The following ACOT12 variants were observed in gnomAD, a reference collection of about 807,000 sequenced individuals.
The protein encoded by ACOT12 is acetyl-coenzyme A thioesterase.
In ACOT12, 51 loss-of-function variants were observed where a neutral mutation model predicts 67.7. The ratio of observed to expected loss-of-function variants is 0.75; its 90% CI spans 0.60 to 0.95. ACOT12 has a LOEUF of 0.95. ACOT12 is among the 40% of genes least tolerant of loss of function. The pLI, the probability that ACOT12 is intolerant of heterozygous loss-of-function variation, is 0.00. For synonymous variants in ACOT12, 251 were observed against 244.6 expected, an observed-to-expected ratio of 1.03 and a Z score of -0.24; for missense variants, 734 against 708.1, an observed-to-expected ratio of 1.04 and a Z score of -0.41.
At chr5:81,344,096 G>A in intron 9 of ACOT12, 64 bp downstream of exon 9, 1 of 1,504,674 alleles carries the variant, frequency 6.6e-7, no homozygotes, top group Non-Finnish European at 9.1e-7. Context: ...CCAGAGGGGG[G>A]CTCTTATATA....
intron 5 of ACOT12, among the ~76,000 whole-genome samples, chr5:81,352,984 C>T (rs1759599844): frequency 6.6e-6 from 1 of 152,090 alleles, no homozygotes; most frequent in Admixed American, 6.6e-5. Context: ...ATTTTTTACC[C>T]TGTGCATGTA....
At chr5:81,325,003 A>G (rs1327196958), downstream of ACOT12, among the ~76,000 whole-genome samples, 1 of 152,208 alleles carries the variant, frequency 6.6e-6, no homozygotes, top group Non-Finnish European at 1.5e-5. Flanking sequence ...TTATTTTAAG[A>G]GACACCTGTG....
intron 1 of ACOT12, among the ~76,000 whole-genome samples, chr5:81,392,467 GTAAT>G (rs1760891533): frequency 6.6e-6 from 1 of 152,122 alleles, no homozygotes; most frequent in Non-Finnish European, 1.5e-5. Context: ...AAGGTATAGA[GTAAT>G]TGATTGTCAA....
intron 11 of ACOT12, among the ~76,000 whole-genome samples, chr5:81,342,091 A>G (rs1189062694): frequency 2.0e-5 from 3 of 152,268 alleles, no homozygotes; most frequent in Middle Eastern, 3.4e-3. Flanking sequence ...CCTGGGCTCA[A>G]GTGATCCTCC....
rs1758780902 is a variant in ACOT12, at chr5:81,330,488, A to C, written c.1574T>G (p.Leu525Arg). The change falls in exon 15 of 15, where the codon CTT becomes CGT. Residue 525 changes from leucine (L) to arginine (R), a missense_variant. Physicochemically the swap from Leu to Arg is moderately radical, Grantham distance 102. Coordinates refer to ENST00000307624, the MANE Select transcript of ACOT12 (RefSeq NM_130767.3). ...TTCAATGGATTTTGACCAGCCACCA[A>C]GATTTCCAGCAAAGTAAGGAAGGAT... is the stretch of plus-strand genomic sequence containing the variant. ...ASILPYFAGN[L>R]GGWSKSIEET... 2 of 1,614,210 alleles carry C rather than the reference A, an allele frequency of 1.2e-6. No homozygotes were observed. The highest frequency in any genetic ancestry group is 8.5e-7 in the Non-Finnish European group (1 of 1,180,006).
chr5:81,351,932 A>G (rs1447868073), intron 5 of ACOT12, among the ~76,000 whole-genome samples: 1 of 152,234 alleles, frequency 6.6e-6, no homozygotes, highest in Non-Finnish European at 1.5e-5. Flanking sequence ...AATCTGATTA[A>G]AAAATGGGCC....
chr5:81,335,634 G>T, intron 12 of ACOT12, 134 bp downstream of exon 12: 1 of 1,139,320 alleles, frequency 8.8e-7, no homozygotes, highest in Non-Finnish European at 1.3e-6. Flanking sequence ...AAAGTGCTAT[G>T]CTGGGTCAAA....
chr5:81,320,315 A>G, the ACOT12 span, among the ~76,000 whole-genome samples: 1 of 152,188 alleles, frequency 6.6e-6, no homozygotes, highest in African/African-American at 2.4e-5. Flanking sequence ...CCTACTTACT[A>G]TGGGCAGTAT....
chr5:81,358,148 A>C (rs567513765), intron 5 of ACOT12, among the ~76,000 whole-genome samples: 39 of 152,302 alleles, frequency 2.6e-4, no homozygotes, highest in African/African-American at 8.9e-4. Context: ...GAGGACAGAA[A>C]GCTTTTTTAA....
chr5:81,330,639 A>G (rs1758787154), intron 14 of ACOT12, 96 bp from the exon 15 acceptor site: 1 of 1,495,814 alleles, frequency 6.7e-7, no homozygotes, highest in Non-Finnish European at 9.0e-7. Context: ...GGAGGCTAAG[A>G]CCCTAATCTT....
downstream of ACOT12, among the ~76,000 whole-genome samples, chr5:81,329,491 G>T (rs138986821): frequency 1.3e-5 from 2 of 152,162 alleles, no homozygotes; most frequent in African/African-American, 4.8e-5. Flanking sequence ...GATGGGTGAG[G>T]GTTGGTAGGG....
chr5:81,325,348 A>G (rs567697937), downstream of ACOT12, among the ~76,000 whole-genome samples: 69 of 152,212 alleles, frequency 4.5e-4, no homozygotes, highest in Non-Finnish European at 8.7e-4. Flanking sequence ...CAGCCTCCTA[A>G]GCACCCTGTT....
intron 12 of ACOT12, among the ~76,000 whole-genome samples, chr5:81,335,103 G>A (rs1758954802): frequency 6.6e-6 from 1 of 152,162 alleles, no homozygotes; most frequent in South Asian, 2.1e-4. Flanking sequence ...AGAGCAATGA[G>A]GTTGCATATT....
Position 81,341,617 on chromosome 5 carries a change from C to A in ACOT12, c.1128+1055G>T, listed in dbSNP as rs140784204. On this transcript the variant is annotated intron_variant, in intron 11 of 14. Coordinates refer to ENST00000307624, the MANE Select transcript of ACOT12 (RefSeq NM_130767.3). Reference sequence around the variant, plus strand: ...TAGCCAAAGTGCTGGCATTAGTGAGCATCTCTGAAGTGCCAGGCGCTCCTA... The same window carrying A: ...TAGCCAAAGTGCTGGCATTAGTGAGAATCTCTGAAGTGCCAGGCGCTCCTA... Among the ~76,000 whole-genome samples the A allele has an allele frequency of 2.6e-5, 4 of 152,316 alleles. No homozygotes were observed. In the East Asian group the frequency reaches 7.7e-4, roughly 29 times the overall value.
intron 11 of ACOT12, among the ~76,000 whole-genome samples, chr5:81,341,774 C>G (rs1481795684): frequency 6.6e-6 from 1 of 152,080 alleles, no homozygotes; most frequent in Non-Finnish European, 1.5e-5. Context: ...TGATGTATGT[C>G]TCTTTAAACC....
Position 81,393,872 on chromosome 5 carries a change from C to T in ACOT12, c.127+116G>A, listed in dbSNP as rs1397118094. 3.5e-6 allele frequency: 4 copies of T among 1,135,144 alleles called. No homozygotes were observed. In the East Asian group the frequency reaches 1.4e-4, roughly 39 times the overall value. The allele number at this position is 1,135,144 out of a possible 1,614,324, so 70.3% of individuals were successfully genotyped here. A position where few individuals can be genotyped will look rare whatever the true frequency, so the allele number is the denominator to read the frequency against. On this transcript the variant is annotated intron_variant, in intron 1 of 14. Transcript: ENST00000307624. ...TGCAACACCCCTATCCCTGGCTGCG[C>T]AGGGTTCAGCTCTCCGCAAGTACCT...
At chr5:81,319,041 G>A in the ACOT12 span, among the ~76,000 whole-genome samples, 7 of 152,112 alleles carry the variant, frequency 4.6e-5, no homozygotes, top group African/African-American at 1.7e-4. Context: ...GGACCTGCTG[G>A]AGAAGAGAAT....
At chr5:81,322,128 C>T in the ACOT12 span, among the ~76,000 whole-genome samples, 2 of 151,972 alleles carry the variant, frequency 1.3e-5, no homozygotes, top group African/African-American at 2.4e-5. Context: ...TTTAAATGGC[C>T]AAGAATTTCT....
At chr5:81,383,893 TA>T (rs1760655741) in intron 2 of ACOT12, among the ~76,000 whole-genome samples, 1 of 151,934 alleles carries the variant, frequency 6.6e-6, no homozygotes, top group African/African-American at 2.4e-5. Flanking sequence ...GTTTATAGAG[TA>T]AAAAAGTTAC....
Sources: allele counts gnomAD v4.1 joint callset (sites outside exome capture counted in the v4.1 genomes callset), GRCh38; gene constraint gnomAD v4.1.1; transcripts MANE v1.5; gene names NCBI Gene and HGNC (gene_info 2026-07-23, HGNC 2026-07-21).